Variants in RGS6 observed in about 807,000 individuals in gnomAD.
RGS6 encodes the protein regulator of G protein signaling 6.
Under a neutral mutation model 78.5 loss-of-function variants are expected in RGS6, and 30 were observed. That is an observed-to-expected ratio of 0.38 (90% confidence interval 0.29 to 0.52). The LOEUF (loss-of-function observed/expected upper bound fraction) is 0.52, where lower values mean the gene tolerates loss of function less well. Among genes scored for constraint, RGS6 ranks in the 20% least tolerant of loss-of-function variants. RGS6 has a pLI of 0.85. For missense variants in RGS6, 495 were observed against 609.7 expected (o/e 0.81, Z 1.98); for synonymous variants, 206 against 206.0 (o/e 1.00, Z 0.00).
chr14:72,472,297 G>T (rs1432255389), intron 8 of RGS6, among the ~76,000 whole-genome samples: 1 of 152,176 alleles, frequency 6.6e-6, no homozygotes, highest in Non-Finnish European at 1.5e-5. Flanking sequence ...GCTGAGGCCA[G>T]TGATATTTGC....
chr14:72,008,296 ATTG>A (rs766247753), intron 2 of RGS6, among the ~76,000 whole-genome samples: 19 of 152,196 alleles, frequency 1.2e-4, no homozygotes, highest in Non-Finnish European at 8.8e-5. Context: ...ACCACATTCA[ATTG>A]TTGTATGTCA....
chr14:72,540,955 A>G, intron 17 of RGS6: 1 of 1,236,474 alleles, frequency 8.1e-7, no homozygotes, highest in South Asian at 1.4e-5. Flanking sequence ...GAGACTCTCT[A>G]CCATGGTTTG....
chr14:72,163,257 T>C (rs903902842), intron 2 of RGS6, among the ~76,000 whole-genome samples: 1 of 152,158 alleles, frequency 6.6e-6, no homozygotes, highest in Non-Finnish European at 1.5e-5. Flanking sequence ...ACTGTACCTG[T>C]TAGAGCCTCC....
intron 2 of RGS6, among the ~76,000 whole-genome samples, chr14:72,064,002 T>C (rs976343549): frequency 6.6e-6 from 1 of 152,098 alleles, no homozygotes; most frequent in Admixed American, 6.6e-5. Context: ...TAGTTCTTTG[T>C]TTTTCTCTAG....
chr14:72,540,694 GCA>G (rs1286567885), intron 17 of RGS6: 36 of 1,367,782 alleles, frequency 2.6e-5, no homozygotes, highest in East Asian at 2.6e-4. Flanking sequence ...AGCCTCATGT[GCA>G]CAGTGTGATA....
At chr14:72,543,493 G>GA (rs1210490417) in intron 17 of RGS6, among the ~76,000 whole-genome samples, 1 of 152,200 alleles carries the variant, frequency 6.6e-6, no homozygotes, top group Admixed American at 6.5e-5. Flanking sequence ...TGTAACATAT[G>GA]AAAACCACAG....
the RGS6 span, among the ~76,000 whole-genome samples, chr14:71,922,890 A>AC: frequency 6.6e-6 from 1 of 151,228 alleles, no homozygotes; most frequent in Non-Finnish European, 1.5e-5. Flanking sequence ...ACAAAACAAA[A>AC]AAAGGAACCT....
At chr14:72,576,901 A>G in the RGS6 span, among the ~76,000 whole-genome samples, 1 of 152,218 alleles carries the variant, frequency 6.6e-6, no homozygotes, top group African/African-American at 2.4e-5. Context: ...ATGCTCTGAG[A>G]TGCCTTGTGC....
At chr14:72,199,948 T>C (rs1447735876) in intron 2 of RGS6, among the ~76,000 whole-genome samples, 1 of 152,234 alleles carries the variant, frequency 6.6e-6, no homozygotes, top group East Asian at 1.9e-4. Flanking sequence ...TCCAATCATT[T>C]CGATAGAGAT....
chr14:72,294,442 C>A (rs2064280895), intron 2 of RGS6, among the ~76,000 whole-genome samples: 1 of 152,184 alleles, frequency 6.6e-6, no homozygotes, highest in Non-Finnish European at 1.5e-5. Context: ...GATATTATTA[C>A]CAAAGCCATA....
intron 15 of RGS6, among the ~76,000 whole-genome samples, chr14:72,521,503 C>T (rs959307438): frequency 1.3e-5 from 2 of 152,176 alleles, no homozygotes; most frequent in African/African-American, 4.8e-5. Flanking sequence ...CAGTGCTCTA[C>T]CATTTTCCAA....
intron 3 of RGS6, among the ~76,000 whole-genome samples, chr14:72,372,702 T>G (rs1476857084): frequency 1.3e-5 from 2 of 152,192 alleles, no homozygotes; most frequent in African/African-American, 4.8e-5. Context: ...TTCCTCCCAC[T>G]AAGCCAAATG....
At chr14:72,319,784 T>C (rs1314299121) in intron 2 of RGS6, among the ~76,000 whole-genome samples, 1 of 152,090 alleles carries the variant, frequency 6.6e-6, no homozygotes, top group Non-Finnish European at 1.5e-5. Flanking sequence ...AGCTTAAAAG[T>C]ATTAGAAAGA....
intron 17 of RGS6, among the ~76,000 whole-genome samples, chr14:72,549,868 A>G (rs888349894): frequency 3.3e-5 from 5 of 152,090 alleles, no homozygotes; most frequent in Non-Finnish European, 7.4e-5. Context: ...TCCCCATCCC[A>G]CAAAAAACCC....
chr14:72,293,478 C>T (rs998746007), intron 2 of RGS6, among the ~76,000 whole-genome samples: 3 of 152,036 alleles, frequency 2.0e-5, no homozygotes, highest in Admixed American at 6.6e-5. Context: ...CCTCTCTTCC[C>T]CCCTCCCCTT....
intron 2 of RGS6, among the ~76,000 whole-genome samples, chr14:72,335,516 T>A (rs935399946): frequency 6.6e-6 from 1 of 152,216 alleles, no homozygotes; most frequent in African/African-American, 2.4e-5. Context: ...CAGGTGCTTC[T>A]ACAGCTTGGC....
chr14:72,596,121 C>T, the RGS6 span, among the ~76,000 whole-genome samples: 636 of 152,292 alleles, frequency 4.2e-3, 1 homozygote, highest in Non-Finnish European at 6.6e-3. Context: ...TATTATCTTT[C>T]GGTTCTGAGG....
intron 2 of RGS6, among the ~76,000 whole-genome samples, chr14:72,312,588 C>A (rs1179157468): frequency 1.3e-5 from 2 of 152,158 alleles, no homozygotes; most frequent in African/African-American, 4.8e-5. Context: ...GCTAATAATA[C>A]CTGCCCTGGC....
chr14:72,413,256 A>G (rs893580114), intron 3 of RGS6, among the ~76,000 whole-genome samples: 12 of 152,218 alleles, frequency 7.9e-5, no homozygotes, highest in Non-Finnish European at 1.5e-4. Flanking sequence ...GTGCTCCTGT[A>G]TTAGGTGCAT....
Sources: allele counts gnomAD v4.1 joint callset (sites outside exome capture counted in the v4.1 genomes callset), GRCh38; gene constraint gnomAD v4.1.1; transcripts MANE v1.5; gene names NCBI Gene and HGNC (gene_info 2026-07-23, HGNC 2026-07-21).